The following LRBA variants were observed in gnomAD, a reference collection of about 807,000 sequenced individuals.
LRBA encodes lipopolysaccharide-responsive and beige-like anchor protein.
LRBA carries 176 observed loss-of-function variants against 330.0 expected under a neutral mutation model. The observed-to-expected ratio is 0.53, with a 90% CI of 0.47 to 0.60. The LOEUF (loss-of-function observed/expected upper bound fraction) is 0.60, where lower values mean the gene tolerates loss of function less well. Among genes scored for constraint, LRBA ranks in the 20% least tolerant of loss-of-function variants. The pLI, the probability that LRBA is intolerant of heterozygous loss-of-function variation, is 0.00. For synonymous variants in LRBA, 1,230 were observed against 1,193.0 expected (o/e 1.03, Z -0.64); for missense variants, 3,259 against 3,444.8 (o/e 0.95, Z 1.35).
chr4:150,724,851 A>G (rs1729440341), intron 36 of LRBA, among the ~76,000 whole-genome samples: 1 of 149,190 alleles, frequency 6.7e-6, no homozygotes, highest in Non-Finnish European at 1.5e-5. Flanking sequence ...AAAAAATAAA[A>G]TAAAATAAAT....
At chr4:150,519,370 G>A (rs1409708296) in intron 40 of LRBA, among the ~76,000 whole-genome samples, 1 of 152,020 alleles carries the variant, frequency 6.6e-6, no homozygotes, top group Non-Finnish European at 1.5e-5. Flanking sequence ...TCTCTTCACT[G>A]TCAACATCTC....
At chr4:150,780,527 ACCTTT>A (rs535518017) in intron 34 of LRBA, among the ~76,000 whole-genome samples, 29 of 87,988 alleles carry the variant, frequency 3.3e-4, no homozygotes, top group Non-Finnish European at 6.8e-4. Flanking sequence ...CAGAAATAAG[ACCTTT>A]CAATCCAGAA....
chr4:150,532,789 TTAGAC>T (rs1371479059), intron 40 of LRBA, among the ~76,000 whole-genome samples: 4 of 152,092 alleles, frequency 2.6e-5, no homozygotes, highest in African/African-American at 7.2e-5. Context: ...TAATATGTAA[TTAGAC>T]TAGAGTTTTC....
chr4:150,998,798 G>A (rs1742997996), intron 2 of LRBA, among the ~76,000 whole-genome samples: 1 of 152,126 alleles, frequency 6.6e-6, no homozygotes. Flanking sequence ...ATAAATACAT[G>A]TAAGCATTTG....
At chr4:150,940,896 T>C (rs1014446273) in intron 2 of LRBA, among the ~76,000 whole-genome samples, 1 of 151,956 alleles carries the variant, frequency 6.6e-6, no homozygotes, top group Admixed American at 6.6e-5. Context: ...CTTTTTGACA[T>C]GAAAGGGCCT....
At chr4:150,975,750 A>G (rs1258186624) in intron 2 of LRBA, among the ~76,000 whole-genome samples, 1 of 152,110 alleles carries the variant, frequency 6.6e-6, no homozygotes, top group Non-Finnish European at 1.5e-5. Context: ...AAATAAATCA[A>G]TATAAATTAT....
In LRBA at chr4:150,302,735, G is replaced by C. The variant is rs1351428648; in HGVS notation, c.7907C>G (p.Ser2636Cys). The stretch of plus-strand genomic sequence containing the variant: ...GCAATTTCCCCCAATATATGACTCA[G>C]AACGAGCAAGGCAAGTGACGACATC... The part of the protein sequence containing the change: ...HWDVVTCLAR[S>C]ESYIGGNCYI... The change falls in exon 53 of 57, where the codon TCT becomes TGT. Residue 2636 changes from serine (S) to cysteine (C), a missense_variant. Transcript: ENST00000651943. The C allele has an allele frequency of 6.2e-7, 1 of 1,610,618 alleles. No homozygotes were observed.
At chr4:150,843,212 C>T (rs1249431815) in intron 28 of LRBA, among the ~76,000 whole-genome samples, 6 of 151,654 alleles carry the variant, frequency 4.0e-5, no homozygotes, top group Non-Finnish European at 7.4e-5. Flanking sequence ...GTATTCAATA[C>T]TATTAAGTAG....
At chr4:150,403,197 G>A (rs1745734799) in intron 47 of LRBA, among the ~76,000 whole-genome samples, 1 of 152,242 alleles carries the variant, frequency 6.6e-6, no homozygotes, top group African/African-American at 2.4e-5. Flanking sequence ...CACAGGCAGG[G>A]GAGGGGTTAC....
intron 37 of LRBA, among the ~76,000 whole-genome samples, chr4:150,602,596 G>A (rs1016471713): frequency 6.6e-6 from 1 of 151,952 alleles, no homozygotes; most frequent in Non-Finnish European, 1.5e-5. Flanking sequence ...AAATGAGGCC[G>A]GCTTTGTCAT....
chr4:150,498,560 A>G (rs181235044), intron 40 of LRBA, among the ~76,000 whole-genome samples: 3 of 152,334 alleles, frequency 2.0e-5, no homozygotes, highest in Non-Finnish European at 4.4e-5. Context: ...AACCATAGCA[A>G]GGAACATGAA....
intron 48 of LRBA, among the ~76,000 whole-genome samples, chr4:150,342,199 A>G (rs188181052): frequency 6.6e-6 from 1 of 152,218 alleles, no homozygotes; most frequent in Admixed American, 6.5e-5. Flanking sequence ...AAGGCTTAAT[A>G]AGATTGTGTT....
chr4:150,829,006 C>T (rs1578915581), intron 29 of LRBA, among the ~76,000 whole-genome samples: 1 of 151,430 alleles, frequency 6.6e-6, no homozygotes, highest in African/African-American at 2.4e-5. Context: ...GTGACCTAGG[C>T]TCACTGCAGC....
At chr4:150,817,040 A>C in intron 31 of LRBA, 84 bp downstream of exon 31, 1 of 1,271,820 alleles carries the variant, frequency 7.9e-7, no homozygotes, top group Non-Finnish European at 1.1e-6. Flanking sequence ...TGTGCCCCCA[A>C]ATTTTAAGTT....
intron 47 of LRBA, among the ~76,000 whole-genome samples, chr4:150,414,759 G>A (rs1016320190): frequency 2.0e-5 from 3 of 152,110 alleles, no homozygotes; most frequent in African/African-American, 7.2e-5. Context: ...CCAAAGTGCT[G>A]GGATTACAGG....
At chr4:150,524,977 TAAGTA>T (rs1258685023) in intron 40 of LRBA, among the ~76,000 whole-genome samples, 1 of 152,166 alleles carries the variant, frequency 6.6e-6, no homozygotes, top group African/African-American at 2.4e-5. Context: ...TCAAAATTTC[TAAGTA>T]AAGAGTGACC....
chr4:150,291,787 G>A (rs1397414591), intron 53 of LRBA, among the ~76,000 whole-genome samples: 21 of 149,790 alleles, frequency 1.4e-4, no homozygotes, highest in African/African-American at 4.2e-4. Context: ...TGTTTATTGC[G>A]GCATTATTCA....
At chr4:150,797,542 A>G (rs1039487914) in intron 34 of LRBA, among the ~76,000 whole-genome samples, 2 of 152,054 alleles carry the variant, frequency 1.3e-5, no homozygotes, top group African/African-American at 4.8e-5. Context: ...CATGAGGTAC[A>G]AGGTTTTGGA....
intron 52 of LRBA, among the ~76,000 whole-genome samples, chr4:150,304,118 C>T (rs759298669): frequency 6.6e-6 from 1 of 151,636 alleles, no homozygotes; most frequent in East Asian, 1.9e-4. Context: ...AATATAATTC[C>T]GATGTTCAAG....
Sources: allele counts gnomAD v4.1 joint callset (sites outside exome capture counted in the v4.1 genomes callset), GRCh38; gene constraint gnomAD v4.1.1; transcripts MANE v1.5; gene names NCBI Gene and HGNC (gene_info 2026-07-23, HGNC 2026-07-21).